DIAPH2: variants seen among roughly 807,000 people sequenced by gnomAD.
DIAPH2 encodes protein diaphanous homolog 2.
Under a neutral mutation model 92.7 loss-of-function variants are expected in DIAPH2, and 35 were observed. That is an observed-to-expected ratio of 0.38 (90% CI 0.29 to 0.50). The LOEUF (loss-of-function observed/expected upper bound fraction) is 0.50. DIAPH2 is among the 20% of genes least tolerant of loss of function. The pLI, the probability that DIAPH2 is intolerant of heterozygous loss-of-function variation, is 0.94. For missense variants in DIAPH2, 701 were observed against 819.5 expected, an observed-to-expected ratio of 0.86 and a Z score of 1.77; for synonymous variants, 301 against 280.4, an observed-to-expected ratio of 1.07 and a Z score of -0.73.
At chrX:97,171,856 C>G (rs1190980616) in intron 22 of DIAPH2, among the ~76,000 whole-genome samples, 1 of 109,470 alleles carries the variant, frequency 9.1e-6, no homozygotes, top group African/African-American at 3.3e-5. Flanking sequence ...AGGAGAATGG[C>G]GTGAACCCGG....
intron 25 of DIAPH2, among the ~76,000 whole-genome samples, chrX:97,400,273 A>C (rs1247514539): frequency 8.9e-6 from 1 of 112,448 alleles, no homozygotes; most frequent in African/African-American, 3.2e-5. Flanking sequence ...AGATTCCAAC[A>C]TGAGTATTTG....
chrX:97,189,807 A>T (rs1432532082), intron 22 of DIAPH2, among the ~76,000 whole-genome samples: 1 of 112,804 alleles, frequency 8.9e-6, no homozygotes, highest in Non-Finnish European at 1.9e-5. Context: ...TCTGAAGGGC[A>T]AGGCCCTAGA....
intron 26 of DIAPH2, among the ~76,000 whole-genome samples, chrX:97,436,044 A>G (rs2070182834): frequency 9.0e-6 from 1 of 110,891 alleles, no homozygotes; most frequent in Non-Finnish European, 1.9e-5. Context: ...TGACCTCGTG[A>G]TCCACCCTCC....
At chrX:96,797,223 G>A (rs939739264) in intron 4 of DIAPH2, among the ~76,000 whole-genome samples, 1 of 110,429 alleles carries the variant, frequency 9.1e-6, no homozygotes, top group Admixed American at 9.6e-5. Context: ...GCTCACGCCT[G>A]TAATCCCAGC....
At chrX:97,258,182 C>A (rs1006747157) in intron 23 of DIAPH2, among the ~76,000 whole-genome samples, 4 of 111,715 alleles carry the variant, frequency 3.6e-5, no homozygotes, top group African/African-American at 1.3e-4. Flanking sequence ...TTACTTTTTT[C>A]ACTTTGGTAG....
chrX:96,965,438 T>C (rs1443713882), intron 17 of DIAPH2, among the ~76,000 whole-genome samples: 1 of 111,778 alleles, frequency 8.9e-6, no homozygotes, highest in Non-Finnish European at 1.9e-5. Flanking sequence ...AAATACAGGT[T>C]TTATTTTTAT....
At chrX:97,357,979 C>A (rs1730961460) in intron 24 of DIAPH2, among the ~76,000 whole-genome samples, 1 of 111,735 alleles carries the variant, frequency 8.9e-6, no homozygotes, top group African/African-American at 3.3e-5. Flanking sequence ...TCCCCCACCT[C>A]ATTTGGTGTT....
chrX:96,890,859 C>G (rs752403251), intron 5 of DIAPH2, among the ~76,000 whole-genome samples: 41 of 112,076 alleles, frequency 3.7e-4, no homozygotes, highest in Non-Finnish European at 6.6e-4. Context: ...CTGGTCCTAT[C>G]TCAGATCACT....
intron 26 of DIAPH2, among the ~76,000 whole-genome samples, chrX:97,440,313 C>T (rs142725891): frequency 0.013 from 1,491 of 111,430 alleles, 11 homozygotes; most frequent in Non-Finnish European, 0.02. Context: ...CAGCATGGGC[C>T]AGGCGCAGTT....
At chrX:96,892,317 C>T (rs1372395563) in intron 5 of DIAPH2, among the ~76,000 whole-genome samples, 1 of 111,917 alleles carries the variant, frequency 8.9e-6, no homozygotes, top group Non-Finnish European at 1.9e-5. Flanking sequence ...GCATTATGTG[C>T]GGTATTACTA....
chrX:96,822,308 T>C (rs2064783766), intron 4 of DIAPH2, among the ~76,000 whole-genome samples: 1 of 111,757 alleles, frequency 8.9e-6, no homozygotes, highest in South Asian at 3.7e-4. Context: ...TTTAGTTCCC[T>C]GAATACTGTA....
chrX:97,294,238 C>T (rs935876056), intron 23 of DIAPH2, among the ~76,000 whole-genome samples: 2 of 111,880 alleles, frequency 1.8e-5, no homozygotes, highest in East Asian at 2.8e-4. Flanking sequence ...GACTGGTTTG[C>T]CTCCTTGGTT....
rs1333248164 is a variant in DIAPH2 at position 97,229,381 on chromosome X, G to T, written c.2720-18334G>T. Among the ~76,000 whole-genome samples the T allele has an allele frequency of 3.6e-5, 4 of 111,452 alleles. No individual in the cohort carries two copies. The Admixed American group carries it at 3.8e-4, about 11-fold the overall frequency. On this transcript the variant is annotated intron_variant, in intron 22 of 26. Transcript: ENST00000324765. ...TGGATTGAATGCATGTAGAACAGTT[G>T]CAGTGTTCCAACCTTTAGGTGAGAT...
At chrX:97,068,623 C>A (rs2038635285) in intron 17 of DIAPH2, among the ~76,000 whole-genome samples, 1 of 111,600 alleles carries the variant, frequency 9.0e-6, no homozygotes, top group African/African-American at 3.2e-5. Flanking sequence ...GCCATTCTTG[C>A]ACTCATTTTA....
At chrX:97,596,332 C>A (rs2071551410) in intron 26 of DIAPH2, among the ~76,000 whole-genome samples, 1 of 111,857 alleles carries the variant, frequency 8.9e-6, no homozygotes, top group African/African-American at 3.3e-5. Flanking sequence ...CACAGACAGA[C>A]CCTCCTCTTC....
At chrX:97,143,624 G>A (rs977213361) in intron 22 of DIAPH2, among the ~76,000 whole-genome samples, 3 of 110,227 alleles carry the variant, frequency 2.7e-5, no homozygotes, top group African/African-American at 9.9e-5. Flanking sequence ...GTATTTACAT[G>A]TGATCCAGCA....
intron 17 of DIAPH2, among the ~76,000 whole-genome samples, chrX:96,993,842 AG>A (rs1169612502): frequency 8.9e-6 from 1 of 111,971 alleles, no homozygotes; most frequent in African/African-American, 3.2e-5. Flanking sequence ...CTGGGATTTC[AG>A]GGCTATGTAG....
At chrX:96,953,078 C>A (rs1337091084) in intron 15 of DIAPH2, among the ~76,000 whole-genome samples, 1 of 111,190 alleles carries the variant, frequency 9.0e-6, no homozygotes, top group Non-Finnish European at 1.9e-5. Flanking sequence ...ATGATTTTGC[C>A]ACTGTACTCC....
At chrX:96,852,523 G>A in intron 4 of DIAPH2, among the ~76,000 whole-genome samples, 1 of 111,698 alleles carries the variant, frequency 9.0e-6, no homozygotes, top group Non-Finnish European at 1.9e-5. Context: ...AGGGAGCTGT[G>A]CTACAAAGAG....
Sources: allele counts gnomAD v4.1 joint callset (sites outside exome capture counted in the v4.1 genomes callset), GRCh38; gene constraint gnomAD v4.1.1; transcripts MANE v1.5; gene names NCBI Gene and HGNC (gene_info 2026-07-23, HGNC 2026-07-21).